Variants in SCUBE1 observed in about 807,000 individuals in gnomAD.
SCUBE1 encodes signal peptide, CUB domain and EGF like domain containing 1.
In SCUBE1, 59 loss-of-function variants were observed where a neutral mutation model predicts 124.4. The ratio of observed to expected loss-of-function variants is 0.47; its 90% confidence interval spans 0.38 to 0.59. The LOEUF is 0.59. Among genes scored for constraint, SCUBE1 ranks in the 20% least tolerant of loss-of-function variants. The pLI is 0.00. For synonymous variants in SCUBE1, 545 were observed against 550.9 expected (o/e 0.99, Z 0.15); for missense variants, 1,150 against 1,371.2 (o/e 0.84, Z 2.55).
chr22:43,331,255 A>G (rs1926894354), intron 2 of SCUBE1, among the ~76,000 whole-genome samples: 1 of 152,204 alleles, frequency 6.6e-6, no homozygotes, highest in African/African-American at 2.4e-5. Context: ...GATTATTTAC[A>G]TTCATTACAT....
chr22:43,204,069 C>T lies in SCUBE1; in HGVS notation c.2895G>A (p.Lys965=). 6.2e-7 allele frequency: 1 copy of T among 1,614,122 alleles called. No individual in the cohort carries two copies. Among genetic ancestry groups the T allele is most frequent in the Non-Finnish European group, 8.5e-7 (1 of 1,179,994 alleles). Residue 965 remains lysine, a synonymous_variant, in exon 22 of 22, where the codon AAG becomes AAA. Transcript: ENST00000360835. ...TGATGAAGGACCGTGGGAACATCTC[C>T]TTGGATTCCTGGGCTGTGTACTTGA... The part of the protein sequence containing the change: ...NYFKYTAQES[K]EMFPRSFIKL...
At chr22:43,227,014 G>A (rs554034635) in intron 10 of SCUBE1, among the ~76,000 whole-genome samples, 2 of 152,238 alleles carry the variant, frequency 1.3e-5, no homozygotes, top group African/African-American at 2.4e-5. Flanking sequence ...CAGAGGAGAG[G>A]CCTCCACACC....
chr22:43,298,031 G>A lies in SCUBE1; in HGVS notation c.350-6851C>T, dbSNP rs550435870. Among the ~76,000 whole-genome samples, 155 of 152,364 alleles carry A rather than the reference G, an allele frequency of 1.0e-3. 2 individuals carry two copies. Among genetic ancestry groups the A allele is most frequent in the African/African-American group, 3.7e-3 (155 of 41,590 alleles). On this transcript the variant is annotated intron_variant, in intron 3 of 21. Transcript: ENST00000360835. ...ACGGAGAGCTCCCACCTGGTCCCAG[G>A]GGGCTGAGGCCCCCACCGCCTGCCG...
intron 3 of SCUBE1, among the ~76,000 whole-genome samples, chr22:43,292,738 G>T (rs1337519838): frequency 6.6e-6 from 1 of 152,182 alleles, no homozygotes; most frequent in Non-Finnish European, 1.5e-5. Context: ...TTTGAGCCAG[G>T]TCCTATTTAG....
intron 1 of SCUBE1, 99 bp from the exon 2 acceptor site, chr22:43,339,334 A>G: frequency 1.6e-6 from 2 of 1,215,906 alleles, no homozygotes; most frequent in South Asian, 2.9e-5. Context: ...TTGCCCGTCC[A>G]TTGATCGGTG....
intron 3 of SCUBE1, 74 bp from the exon 4 acceptor site, chr22:43,291,254 C>T (rs983622140): frequency 1.5e-5 from 23 of 1,507,574 alleles, no homozygotes; most frequent in Non-Finnish European, 2.1e-5. Context: ...GCTGGCGGGA[C>T]AGGGATGCAG....
intron 6 of SCUBE1, among the ~76,000 whole-genome samples, chr22:43,244,987 C>G (rs551740028): frequency 9.9e-5 from 15 of 152,134 alleles, no homozygotes; most frequent in Non-Finnish European, 1.8e-4. Context: ...GCCCTTCCGG[C>G]AGATCTGGGG....
intron 3 of SCUBE1, among the ~76,000 whole-genome samples, chr22:43,307,811 T>C (rs1382143452): frequency 6.6e-6 from 1 of 152,208 alleles, no homozygotes; most frequent in Non-Finnish European, 1.5e-5. Context: ...CCCATCTTTT[T>C]ATTTCACATA....
chr22:43,273,736 C>T (rs1359144941), intron 4 of SCUBE1, among the ~76,000 whole-genome samples: 3 of 151,778 alleles, frequency 2.0e-5, no homozygotes, highest in Non-Finnish European at 2.9e-5. Context: ...CCACACCTGA[C>T]TAATTTTTGT....
chr22:43,242,691 C>T (rs771225735), intron 6 of SCUBE1, among the ~76,000 whole-genome samples: 3 of 152,204 alleles, frequency 2.0e-5, no homozygotes, highest in Non-Finnish European at 2.9e-5. Context: ...AGCTTTGTCC[C>T]GGGGAGCTAA....
chr22:43,336,566 G>A (rs908509418), intron 2 of SCUBE1, among the ~76,000 whole-genome samples: 4 of 152,228 alleles, frequency 2.6e-5, no homozygotes, highest in Admixed American at 2.0e-4. Flanking sequence ...CATGGCCTGA[G>A]TTTGACAGCT....
intron 10 of SCUBE1, among the ~76,000 whole-genome samples, chr22:43,225,915 C>T (rs1054283093): frequency 9.2e-5 from 14 of 152,098 alleles, no homozygotes; most frequent in Admixed American, 4.6e-4. Context: ...CCTCCGCCAC[C>T]CGTACAACCC....
intron 2 of SCUBE1, among the ~76,000 whole-genome samples, chr22:43,325,530 T>A (rs1448738642): frequency 6.6e-6 from 1 of 151,876 alleles, no homozygotes; most frequent in African/African-American, 2.4e-5. Flanking sequence ...ATGGGTATTA[T>A]TACTTTTCTT....
In SCUBE1 at chr22:43,218,465, G is replaced by A. The variant is rs369382381; in HGVS notation, c.1688-7C>T. 1.2e-6 allele frequency: 2 copies of A among 1,608,196 alleles called. No homozygotes were observed. Among genetic ancestry groups the A allele is most frequent in the Admixed American group, 3.3e-5 (2 of 60,022 alleles). On this transcript the variant is annotated splice_polypyrimidine_tract_variant and splice_region_variant and intron_variant, in intron 14 of 21. Transcript: ENST00000360835. ...CAGTCCGCTTCGCATGTGTCTGCAG[G>A]GGCAGGAGAGACAGAACATGAATCG...
rs1477155581 is a variant in SCUBE1, at chr22:43,311,644, C to G, written c.349+8293G>C. On this transcript the variant is annotated intron_variant, in intron 3 of 21. Coordinates refer to ENST00000360835, the MANE Select transcript of SCUBE1 (RefSeq NM_173050.5). ...GTTTCACCATGTTGGTCAGGCTGGTCTCGAACTCCTGACCTCATGTGATCC... is the reference window on the plus strand; with the variant it reads ...GTTTCACCATGTTGGTCAGGCTGGTGTCGAACTCCTGACCTCATGTGATCC... Among the ~76,000 whole-genome samples, 9 of 151,114 alleles carry G rather than the reference C, an allele frequency of 6.0e-5. No homozygotes were observed. The East Asian group carries it at 1.7e-3, about 29-fold the overall frequency.
chr22:43,240,719 TC>T (rs1166801010), intron 6 of SCUBE1, among the ~76,000 whole-genome samples: 1 of 152,156 alleles, frequency 6.6e-6, no homozygotes, highest in Non-Finnish European at 1.5e-5. Context: ...GTTAGTTTCC[TC>T]CCTGGGCTGA....
intron 3 of SCUBE1, among the ~76,000 whole-genome samples, chr22:43,304,480 T>C (rs1925891335): frequency 6.6e-6 from 1 of 152,098 alleles, no homozygotes; most frequent in Non-Finnish European, 1.5e-5. Flanking sequence ...AAGAGTGTGC[T>C]GTGAGAAGCA....
intron 7 of SCUBE1, 33 bp from the exon 8 acceptor site, chr22:43,231,908 G>A (rs770619060): frequency 6.2e-7 from 1 of 1,606,288 alleles, no homozygotes; most frequent in Admixed American, 1.7e-5. Context: ...AGGAGTGAGA[G>A]CCAGGAGAAT....
intron 12 of SCUBE1, among the ~76,000 whole-genome samples, chr22:43,222,069 T>A (rs1329836350): frequency 2.6e-5 from 4 of 151,730 alleles, no homozygotes; most frequent in African/African-American, 4.8e-5. Flanking sequence ...GTTTTAAAAA[T>A]AATAATAATA....
Sources: allele counts gnomAD v4.1 joint callset (sites outside exome capture counted in the v4.1 genomes callset), GRCh38; gene constraint gnomAD v4.1.1; transcripts MANE v1.5; gene names NCBI Gene and HGNC (gene_info 2026-07-23, HGNC 2026-07-21).